Variants in PTPRD observed in about 807,000 individuals in gnomAD.
PTPRD encodes receptor-type tyrosine-protein phosphatase delta.
PTPRD carries 34 observed loss-of-function variants against 214.5 expected under a neutral mutation model. The observed-to-expected ratio is 0.16, with a 90% CI of 0.12 to 0.21. The LOEUF (loss-of-function observed/expected upper bound fraction) is 0.21. Ranked by LOEUF, PTPRD falls within the 10% of genes least tolerant of loss-of-function variation. The pLI, the probability that PTPRD is intolerant of heterozygous loss-of-function variation, is 1.00. For missense variants in PTPRD, 2,545 were observed against 2,398.7 expected, an observed-to-expected ratio of 1.06 and a Z score of -1.27; for synonymous variants, 1,128 against 845.7, an observed-to-expected ratio of 1.33 and a Z score of -5.79.
chr9:9,588,527 T>C (rs1052949193), intron 7 of PTPRD, among the ~76,000 whole-genome samples: 1 of 152,002 alleles, frequency 6.6e-6, no homozygotes, highest in Non-Finnish European at 1.5e-5. Context: ...TATGGTAGTT[T>C]TTGATTACTC....
intron 7 of PTPRD, among the ~76,000 whole-genome samples, chr9:9,723,892 C>A (rs372818992): frequency 2.0e-5 from 3 of 151,912 alleles, no homozygotes; most frequent in South Asian, 4.1e-4. Context: ...CTCATTAGTT[C>A]TGATATATAT....
chr9:8,529,663 C>A (rs1254389868), intron 14 of PTPRD, among the ~76,000 whole-genome samples: 1 of 152,186 alleles, frequency 6.6e-6, no homozygotes, highest in Non-Finnish European at 1.5e-5. Flanking sequence ...ATGCTCCACA[C>A]TGATAACTGA....
At chr9:9,342,823 C>G (rs1413371879) in intron 9 of PTPRD, among the ~76,000 whole-genome samples, 1 of 151,902 alleles carries the variant, frequency 6.6e-6, no homozygotes, top group East Asian at 1.9e-4. Context: ...AACCCGTCAT[C>G]TACATTAGGC....
intron 7 of PTPRD, among the ~76,000 whole-genome samples, chr9:9,599,046 G>GT: frequency 6.6e-6 from 1 of 152,062 alleles, no homozygotes; most frequent in East Asian, 1.9e-4. Context: ...GATGATAAAT[G>GT]TTTTTGCCCA....
intron 4 of PTPRD, among the ~76,000 whole-genome samples, chr9:9,990,954 A>G (rs1312922047): frequency 7.4e-6 from 1 of 135,924 alleles, no homozygotes; most frequent in Non-Finnish European, 1.6e-5. Flanking sequence ...TTTTTTTTTA[A>G]GACAGAATTT....
At chr9:9,550,092 G>C (rs1052462616) in intron 8 of PTPRD, among the ~76,000 whole-genome samples, 4 of 151,890 alleles carry the variant, frequency 2.6e-5, no homozygotes, top group African/African-American at 9.7e-5. Context: ...CTTGAATAAA[G>C]CAGATTACCC....
In PTPRD at chr9:8,985,584, G is replaced by A. The variant is rs983403661; in HGVS notation, c.-104+33113C>T. Among the ~76,000 whole-genome samples, 12 of 151,710 alleles carry A rather than the reference G, an allele frequency of 7.9e-5. No individual in the cohort carries two copies. In the South Asian group the frequency reaches 2.3e-3, roughly 29 times the overall value. On this transcript the variant is annotated intron_variant, in intron 11 of 45. Transcript: ENST00000381196. Reference sequence around the variant, plus strand: ...AATTTGCTCAAGATTATACACGCAGGGATAGTCACTCAGTGGTTCCTTCCT... The same window carrying A: ...AATTTGCTCAAGATTATACACGCAGAGATAGTCACTCAGTGGTTCCTTCCT...
At chr9:8,681,853 T>TA (rs2154373082) in intron 12 of PTPRD, among the ~76,000 whole-genome samples, 1 of 152,300 alleles carries the variant, frequency 6.6e-6, no homozygotes, top group East Asian at 1.9e-4. Flanking sequence ...CTTCCCCACT[T>TA]AAAATACATA....
intron 8 of PTPRD, among the ~76,000 whole-genome samples, chr9:9,506,531 G>A (rs1356384647): frequency 1.3e-5 from 2 of 151,304 alleles, no homozygotes; most frequent in Non-Finnish European, 3.0e-5. Context: ...AAAGAAATGG[G>A]AAAGTTTTGT....
intron 2 of PTPRD, among the ~76,000 whole-genome samples, chr9:10,573,895 T>C (rs2068276652): frequency 6.6e-6 from 1 of 152,122 alleles, no homozygotes; most frequent in African/African-American, 2.4e-5. Context: ...TATACCTATG[T>C]AACAAAACTG....
intron 11 of PTPRD, among the ~76,000 whole-genome samples, chr9:8,780,072 G>C (rs1482349346): frequency 6.8e-6 from 1 of 147,660 alleles, no homozygotes; most frequent in Non-Finnish European, 1.5e-5. Flanking sequence ...CTCCAGTTCT[G>C]AGAATATCTG....
intron 7 of PTPRD, among the ~76,000 whole-genome samples, chr9:9,694,783 T>C (rs755903110): frequency 5.1e-4 from 78 of 152,080 alleles, no homozygotes; most frequent in Non-Finnish European, 8.2e-4. Flanking sequence ...CCACCACCAA[T>C]GTTCGCTTAA....
rs559970487 is a variant in PTPRD at position 9,917,604 on chromosome 9, A to G, written c.-368+20903T>C. Among the ~76,000 whole-genome samples the G allele has an allele frequency of 2.0e-5, 3 of 152,080 alleles. No individual in the cohort carries two copies. In the South Asian group the frequency reaches 6.2e-4, roughly 31 times the overall value. ...ATTATTTGTTGAGGTCAGCATAACCATAATATGAAAAGCAGACAAGGATAT... is the reference window on the plus strand; with the variant it reads ...ATTATTTGTTGAGGTCAGCATAACCGTAATATGAAAAGCAGACAAGGATAT... On this transcript the variant is annotated intron_variant, in intron 5 of 45. Coordinates refer to ENST00000381196, the MANE Select transcript of PTPRD (RefSeq NM_002839.4).
chr9:8,525,149 C>T (rs748565173), intron 17 of PTPRD, 114 bp from the exon 18 acceptor site: 24 of 858,644 alleles, frequency 2.8e-5, no homozygotes, highest in South Asian at 1.7e-4. Context: ...GTCCACTCAA[C>T]GTCGATTCAA....
At chr9:10,554,903 GCCCA>G (rs1193482427) in intron 2 of PTPRD, among the ~76,000 whole-genome samples, 1 of 152,036 alleles carries the variant, frequency 6.6e-6, no homozygotes, top group African/African-American at 2.4e-5. Context: ...CTCGTGATCC[GCCCA>G]CCTGGGCCTC....
intron 12 of PTPRD, among the ~76,000 whole-genome samples, chr9:8,642,953 C>G (rs554319113): frequency 2.0e-5 from 3 of 152,184 alleles, no homozygotes; most frequent in East Asian, 3.9e-4. Flanking sequence ...AAGCATGGCA[C>G]AGATACCACC....
At chr9:8,412,616 C>G (rs1479771373) in intron 35 of PTPRD, among the ~76,000 whole-genome samples, 1 of 152,272 alleles carries the variant, frequency 6.6e-6, no homozygotes, top group Non-Finnish European at 1.5e-5. Context: ...GTTTTGCCTT[C>G]TCTTGCCTCT....
intron 5 of PTPRD, among the ~76,000 whole-genome samples, chr9:9,880,602 G>T (rs2068358448): frequency 6.6e-6 from 1 of 152,032 alleles, no homozygotes; most frequent in East Asian, 1.9e-4. Flanking sequence ...TGCACTAGAG[G>T]AGAATTTAAT....
At chr9:10,566,379 A>G (rs561277053) in intron 2 of PTPRD, among the ~76,000 whole-genome samples, 1 of 152,186 alleles carries the variant, frequency 6.6e-6, no homozygotes, top group African/African-American at 2.4e-5. Context: ...TTACAACTGC[A>G]GTGTATGAAA....
Sources: allele counts gnomAD v4.1 joint callset (sites outside exome capture counted in the v4.1 genomes callset), GRCh38; gene constraint gnomAD v4.1.1; transcripts MANE v1.5; gene names NCBI Gene and HGNC (gene_info 2026-07-23, HGNC 2026-07-21).